The following LINGO1 variants were observed in gnomAD, a reference collection of about 807,000 sequenced individuals.
LINGO1 encodes leucine-rich repeat and immunoglobulin-like domain-containing nogo receptor-interacting protein 1.
A neutral mutation model predicts 37.3 loss-of-function variants in LINGO1; 11 were observed. The ratio of observed to expected loss-of-function variants is 0.29; its 90% confidence interval spans 0.19 to 0.49. The LOEUF is 0.49. Ranked by LOEUF, LINGO1 falls within the 20% of genes least tolerant of loss-of-function variation. The probability of loss-of-function intolerance (pLI) is 0.99; values close to 1 mark genes in which losing one functional copy is unlikely to be tolerated. For missense variants in LINGO1, 585 were observed against 878.2 expected (o/e 0.67, Z 4.22); for synonymous variants, 387 against 403.0 (o/e 0.96, Z 0.48).
rs886398829 is a variant in LINGO1, at chr15:77,760,985, G to A, written c.-257+25884C>T. Among the ~76,000 whole-genome samples the A allele has an allele frequency of 9.1e-5, 13 of 142,560 alleles. No homozygotes were observed. In the Admixed American group the frequency reaches 9.3e-4, roughly 10 times the overall value. The allele number at this position is 142,560 out of a possible 152,430, so 93.5% of individuals were successfully genotyped here. A position where few individuals can be genotyped will look rare whatever the true frequency, so the allele number is the denominator to read the frequency against. On this transcript the variant is annotated intron_variant, in intron 1 of 3. Coordinates refer to the LINGO1 transcript ENST00000561686. ...TCTGTCACCCAGGCTGGAGTGCAGT[G>A]GCATGACCTCAGCTCACTGCAACCT...
At chr15:77,743,380 T>C (rs2076283682) in intron 1 of LINGO1, among the ~76,000 whole-genome samples, 1 of 152,064 alleles carries the variant, frequency 6.6e-6, no homozygotes, top group Non-Finnish European at 1.5e-5. Context: ...TTTCCCCCAT[T>C]ACAGGGAGTC....
chr15:77,670,287 C>CA, intron 3 of LINGO1, among the ~76,000 whole-genome samples: 1 of 152,296 alleles, frequency 6.6e-6, no homozygotes, highest in East Asian at 1.9e-4. Context: ...AAGAGTTGCA[C>CA]AATTGGGAAT....
intron 2 of LINGO1, among the ~76,000 whole-genome samples, chr15:77,719,292 C>T (rs1015625733): frequency 1.3e-5 from 2 of 150,100 alleles, no homozygotes; most frequent in African/African-American, 4.8e-5. Flanking sequence ...CACAAAGTCT[C>T]CTGCCAGCAC....
intron 2 of LINGO1, among the ~76,000 whole-genome samples, chr15:77,704,450 C>T (rs1347029963): frequency 6.6e-6 from 1 of 152,048 alleles, no homozygotes. Flanking sequence ...TGGTCAGACA[C>T]TGAGTCCCGA....
chr15:77,615,470 G>A lies in LINGO1; in HGVS notation c.437C>T (p.Thr146Ile). ...LGVFTGLSNL[T>I]KLDISENKIV... The stretch of plus-strand genomic sequence containing the variant: ...CTTGTTCTCGCTGATGTCCAGCTTG[G>A]TCAGGTTGCTGAGGCCAGTGAAGAC... The change falls in exon 2 of 2, where the codon ACC becomes ATC. Residue 146 changes from threonine (T) to isoleucine (I), a missense_variant. Around this residue, in one of 4 missense-constraint regions of LINGO1, gnomAD observed 484 missense variants for 735.0 expected, o/e 0.66. Coordinates refer to ENST00000355300, the MANE Select transcript of LINGO1 (RefSeq NM_032808.7). 6.2e-7 allele frequency: 1 copy of A among 1,614,056 alleles called. No homozygotes were observed. Among genetic ancestry groups the A allele is most frequent in the Non-Finnish European group, 8.5e-7 (1 of 1,179,900 alleles).
intron 3 of LINGO1, chr15:77,646,550 C>T (rs986964045): frequency 9.9e-6 from 4 of 403,332 alleles, no homozygotes; most frequent in Admixed American, 2.7e-5. Context: ...CAGGCAGGAA[C>T]CTGGGGTTTC....
intron 1 of LINGO1, among the ~76,000 whole-genome samples, chr15:77,742,869 GCTA>G (rs531632631): frequency 2.3e-4 from 35 of 152,338 alleles, no homozygotes; most frequent in African/African-American, 7.5e-4. Flanking sequence ...ATTCTCAGCA[GCTA>G]GGTGTGGACC....
chr15:77,707,862 T>C (rs1413332930), intron 2 of LINGO1, among the ~76,000 whole-genome samples: 2 of 151,456 alleles, frequency 1.3e-5, no homozygotes, highest in Non-Finnish European at 1.5e-5. Flanking sequence ...CTGTGGGAGG[T>C]CTTGACCTTC....
chr15:77,733,849 CCGAGGGCTG>C (rs148195511), intron 2 of LINGO1, among the ~76,000 whole-genome samples: 1,787 of 152,262 alleles, frequency 0.012, 46 homozygotes, highest in African/African-American at 0.041. Flanking sequence ...GTCTGAGCTG[CCGAGGGCTG>C]CACTTCTCCG....
rs559077584 is a variant in LINGO1 at position 77,796,961 on chromosome 15, C to T, written c.-457-908G>A. Among the ~76,000 whole-genome samples the T allele has an allele frequency of 4.6e-5, 7 of 152,368 alleles. No individual in the cohort carries two copies. The East Asian group carries it at 5.8e-4, about 13-fold the overall frequency. On this transcript the variant is annotated intron_variant, in intron 1 of 5. Transcript: ENST00000562933. ...AAGCAGTCCTCCTGCCTTGACCTCCCGCAGTGCTGGGATTATCGGCGGAGC... is the reference window on the plus strand; with the variant it reads ...AAGCAGTCCTCCTGCCTTGACCTCCTGCAGTGCTGGGATTATCGGCGGAGC...
At chr15:77,803,007 T>C (rs923725229) in intron 1 of LINGO1, among the ~76,000 whole-genome samples, 1 of 152,174 alleles carries the variant, frequency 6.6e-6, no homozygotes, top group Non-Finnish European at 1.5e-5. Flanking sequence ...CCTGTGTTCC[T>C]CAACAGAACT....
At chr15:77,707,951 A>C (rs1268927189) in intron 2 of LINGO1, among the ~76,000 whole-genome samples, 1 of 152,184 alleles carries the variant, frequency 6.6e-6, no homozygotes, top group Non-Finnish European at 1.5e-5. Context: ...AGAGAAAGAA[A>C]GAGCTCTCTC....
At chr15:77,779,932 G>T (rs2076698900) in intron 1 of LINGO1, among the ~76,000 whole-genome samples, 1 of 152,182 alleles carries the variant, frequency 6.6e-6, no homozygotes, top group African/African-American at 2.4e-5. Flanking sequence ...ACCCAGTGGT[G>T]AGCCAGACAC....
rs1223732130 is a variant in LINGO1 at position 77,718,733 on chromosome 15, C to G, written c.-195+16259G>C. On this transcript the variant is annotated intron_variant, in intron 2 of 3. Transcript: ENST00000561686. ...GCGTGGCCTTGGTCACCATCATAACCCCCTGGGGTCAGGATGCCTGGGCTC... is the reference window on the plus strand; with the variant it reads ...GCGTGGCCTTGGTCACCATCATAACGCCCTGGGGTCAGGATGCCTGGGCTC... Among the ~76,000 whole-genome samples, 3 of 150,658 alleles carry G rather than the reference C, an allele frequency of 2.0e-5. 1 individual carries two copies. The highest frequency in any genetic ancestry group is 4.4e-5 in the Non-Finnish European group (3 of 67,538).
At chr15:77,631,295 T>TAC (rs1183584758) in intron 1 of LINGO1, among the ~76,000 whole-genome samples, 1 of 152,148 alleles carries the variant, frequency 6.6e-6, no homozygotes, top group Non-Finnish European at 1.5e-5. Context: ...CCACAGCCCC[T>TAC]ACCTCAGGGC....
chr15:77,793,822 T>C (rs1190185539), intron 2 of LINGO1, among the ~76,000 whole-genome samples: 1 of 152,218 alleles, frequency 6.6e-6, no homozygotes, highest in Non-Finnish European at 1.5e-5. Flanking sequence ...ATGTCATAAA[T>C]ACATGTTTTG....
At chr15:77,655,216 C>A (rs1016714588) in intron 3 of LINGO1, among the ~76,000 whole-genome samples, 1 of 152,180 alleles carries the variant, frequency 6.6e-6, no homozygotes, top group African/African-American at 2.4e-5. Flanking sequence ...GCTGGTTGCC[C>A]CAGACACAGC....
intron 2 of LINGO1, among the ~76,000 whole-genome samples, chr15:77,731,410 C>T (rs893332247): frequency 6.6e-6 from 1 of 152,172 alleles, no homozygotes; most frequent in South Asian, 2.1e-4. Flanking sequence ...GGCACTAGAG[C>T]CTGCCCCACT....
At chr15:77,679,008 T>C (rs779239743) in intron 2 of LINGO1, among the ~76,000 whole-genome samples, 3 of 152,148 alleles carry the variant, frequency 2.0e-5, no homozygotes, top group South Asian at 4.2e-4. Flanking sequence ...GGGGAAGTGA[T>C]TATCCTGCCT....
Sources: gnomAD v4.1 joint callset for allele counts (sites outside exome capture counted in the v4.1 genomes callset) on GRCh38, gnomAD v4.1.1 for gene constraint, gnomAD v4.1.1 regional missense constraint, MANE v1.5 for transcripts, NCBI Gene and HGNC (gene_info 2026-07-23, HGNC 2026-07-21) for gene names.